SRRM4: variants seen among roughly 807,000 people sequenced by gnomAD.
The protein encoded by SRRM4 is serine/arginine repetitive matrix protein 4.
Under a neutral mutation model 68.9 loss-of-function variants are expected in SRRM4, and 33 were observed. That is an observed-to-expected ratio of 0.48 (90% confidence interval 0.36 to 0.64). The LOEUF is 0.64. SRRM4 is among the 30% of genes least tolerant of loss of function. The pLI, the probability that SRRM4 is intolerant of heterozygous loss-of-function variation, is 0.00. For missense variants in SRRM4, 817 were observed against 827.1 expected, an observed-to-expected ratio of 0.99 and a Z score of 0.15; for synonymous variants, 318 against 318.8, an observed-to-expected ratio of 1.00 and a Z score of 0.03.
chr12:119,096,328 C>T (rs537310335), intron 1 of SRRM4, among the ~76,000 whole-genome samples: 2 of 151,978 alleles, frequency 1.3e-5, no homozygotes, highest in African/African-American at 4.8e-5. Context: ...CCACCACGCC[C>T]GGCCTCTCAG....
chr12:119,144,817 C>T, intron 8 of SRRM4, among the ~76,000 whole-genome samples: 1 of 151,818 alleles, frequency 6.6e-6, no homozygotes, highest in Non-Finnish European at 1.5e-5. Flanking sequence ...ATCTTTATTT[C>T]ATTTCTTTTC....
rs12227810 is a variant in SRRM4, at chr12:118,982,679, G to A, written c.131+666G>A. ...GAAGAGTTTTATTTTGTTTTTTTTT[G>A]TTTTTTTTTTTTTTTTCCAAAAAGA... On this transcript the variant is annotated intron_variant, in intron 1 of 12. Coordinates refer to ENST00000267260, the MANE Select transcript of SRRM4 (RefSeq NM_194286.4). Among the ~76,000 whole-genome samples the A allele has an allele frequency of 1.0e-3, 105 of 102,170 alleles. 2 individuals carry two copies. Among genetic ancestry groups the A allele is most frequent in the African/African-American group, 3.4e-3 (104 of 30,290 alleles). 67.0% of individuals were successfully genotyped at this position (102,170 alleles called of 152,430 possible).
intron 1 of SRRM4, among the ~76,000 whole-genome samples, chr12:118,987,386 T>C (rs897388143): frequency 2.6e-5 from 4 of 152,168 alleles, no homozygotes; most frequent in African/African-American, 9.7e-5. Context: ...TCAGTAGTGA[T>C]GCTTGGGTTC....
chr12:119,102,138 G>A, intron 1 of SRRM4, 98 bp from the exon 2 acceptor site: 2 of 1,243,404 alleles, frequency 1.6e-6, no homozygotes, highest in Non-Finnish European at 1.1e-6. Flanking sequence ...TAACTGTAAG[G>A]GAAGCTGGGA....
At chr12:119,106,622 G>A (rs1340303468) in intron 2 of SRRM4, among the ~76,000 whole-genome samples, 1 of 152,126 alleles carries the variant, frequency 6.6e-6, no homozygotes, top group African/African-American at 2.4e-5. Context: ...TCTGTTATTG[G>A]TGTATAGGAA....
intron 1 of SRRM4, among the ~76,000 whole-genome samples, chr12:119,020,303 C>T (rs985587792): frequency 6.6e-6 from 1 of 152,108 alleles, no homozygotes; most frequent in African/African-American, 2.4e-5. Context: ...ATTTTATTTC[C>T]CTGTACCCAA....
chr12:119,037,130 T>A (rs1187459485), intron 1 of SRRM4, among the ~76,000 whole-genome samples: 1 of 152,110 alleles, frequency 6.6e-6, no homozygotes, highest in Non-Finnish European at 1.5e-5. Flanking sequence ...CTGGGCGTGG[T>A]TCCCCCCAGT....
chr12:119,146,885 G>A (rs967722581), intron 9 of SRRM4, among the ~76,000 whole-genome samples: 1 of 151,574 alleles, frequency 6.6e-6, no homozygotes, highest in South Asian at 2.1e-4. Context: ...GCAGTGAGCC[G>A]AGATTGCGCC....
chr12:119,055,756 G>T lies in SRRM4; in HGVS notation c.132-46480G>T, dbSNP rs146045756. On this transcript the variant is annotated intron_variant, in intron 1 of 12. Coordinates refer to ENST00000267260, the MANE Select transcript of SRRM4 (RefSeq NM_194286.4). ...CTGCCTCGAACAGCAGCAGGACCAT[G>T]GCAAGTCACTTAACCTCTCTGAACT... Among the ~76,000 whole-genome samples, 50 of 152,296 alleles carry T rather than the reference G, an allele frequency of 3.3e-4. No homozygotes were observed. The East Asian group carries it at 8.5e-3, about 26-fold the overall frequency.
intron 2 of SRRM4, among the ~76,000 whole-genome samples, chr12:119,107,092 A>G (rs148354772): frequency 0.077 from 11,748 of 152,032 alleles, 508 homozygotes; most frequent in Admixed American, 0.1. Context: ...CTTTGGTTCT[A>G]TTTATATGAT....
At chr12:119,085,881 G>A (rs1953977001) in intron 1 of SRRM4, among the ~76,000 whole-genome samples, 1 of 152,148 alleles carries the variant, frequency 6.6e-6, no homozygotes, top group South Asian at 2.1e-4. Context: ...GTGGTGGCCA[G>A]GCTGCTGCTT....
At chr12:118,996,921 G>A (rs1016802856) in intron 1 of SRRM4, among the ~76,000 whole-genome samples, 4 of 152,198 alleles carry the variant, frequency 2.6e-5, no homozygotes, top group Non-Finnish European at 5.9e-5. Context: ...CCAAGACTAG[G>A]TTCAGATAGA....
chr12:119,124,999 C>T (rs1429811500), intron 6 of SRRM4, among the ~76,000 whole-genome samples: 1 of 152,170 alleles, frequency 6.6e-6, no homozygotes, highest in Non-Finnish European at 1.5e-5. Context: ...CTGGGCTGAT[C>T]CACATATTTA....
chr12:119,115,787 G>C (rs908073988), intron 3 of SRRM4, among the ~76,000 whole-genome samples: 2 of 152,126 alleles, frequency 1.3e-5, no homozygotes, highest in African/African-American at 4.8e-5. Flanking sequence ...ATGTGTCTGG[G>C]GACAAATGTT....
At chr12:119,027,779 T>C (rs1953558656) in intron 1 of SRRM4, among the ~76,000 whole-genome samples, 1 of 152,200 alleles carries the variant, frequency 6.6e-6, no homozygotes, top group Non-Finnish European at 1.5e-5. Context: ...TACAGGTATG[T>C]AGACACATAA....
chr12:119,133,207 G>GT (rs1954308554), intron 8 of SRRM4: 3 of 152,196 alleles, frequency 2.0e-5, no homozygotes, highest in Non-Finnish European at 4.4e-5. Flanking sequence ...ATGACACAAT[G>GT]TAAGTAAAAG....
intron 1 of SRRM4, among the ~76,000 whole-genome samples, chr12:118,997,016 T>G (rs1331114896): frequency 6.6e-6 from 1 of 152,212 alleles, no homozygotes; most frequent in African/African-American, 2.4e-5. Flanking sequence ...CAGTCTGCAC[T>G]GGGCAATCGC....
At chr12:119,099,932 C>A (rs1032413150) in intron 1 of SRRM4, among the ~76,000 whole-genome samples, 2 of 152,166 alleles carry the variant, frequency 1.3e-5, no homozygotes, top group Non-Finnish European at 2.9e-5. Flanking sequence ...CTACTACATT[C>A]TTTTCATTGA....
chr12:119,134,362 C>T (rs1325395015), intron 8 of SRRM4, among the ~76,000 whole-genome samples: 2 of 133,682 alleles, frequency 1.5e-5, no homozygotes, highest in Admixed American at 8.5e-5. Context: ...GTTCAAGGTA[C>T]TGGGGAGGCA....
Sources: gnomAD v4.1 joint callset for allele counts (sites outside exome capture counted in the v4.1 genomes callset) on GRCh38, gnomAD v4.1.1 for gene constraint, MANE v1.5 for transcripts, NCBI Gene and HGNC (gene_info 2026-07-23, HGNC 2026-07-21) for gene names.